The following FBH1 variants were observed in gnomAD, a reference collection of about 807,000 sequenced individuals.
FBH1 encodes the protein F-box DNA helicase 1, also known as DNA 3'-5' helicase 1.
Under a neutral mutation model 115.5 loss-of-function variants are expected in FBH1, and 43 were observed. The ratio of observed to expected loss-of-function variants is 0.37; its 90% CI spans 0.29 to 0.48. The LOEUF is 0.48. FBH1 is among the 20% of genes least tolerant of loss of function. The probability of loss-of-function intolerance (pLI) is 0.99; values close to 1 mark genes in which losing one functional copy is unlikely to be tolerated. For synonymous variants in FBH1, 524 were observed against 507.8 expected, an observed-to-expected ratio of 1.03 and a Z score of -0.43; for missense variants, 1,001 against 1,337.3, an observed-to-expected ratio of 0.75 and a Z score of 3.92.
rs146647069 is a variant in FBH1 at position 5,923,987 on chromosome 10, T to G, written c.2398+291T>G. On this transcript the variant is annotated intron_variant, in intron 16 of 20. Coordinates refer to ENST00000362091, the MANE Select transcript of FBH1 (RefSeq NM_178150.3). The surrounding 1 kb of genome is among the most constrained non-coding windows in gnomAD (Gnocchi z 5.7). ...CCTGGGCCAATTTATACGTTGATACTTCCACGTGGGCCCCAAGTGATAGCG... is the reference window on the plus strand; with the variant it reads ...CCTGGGCCAATTTATACGTTGATACGTCCACGTGGGCCCCAAGTGATAGCG... The G allele has an allele frequency of 9.2e-4, 516 of 558,366 alleles. 4 individuals carry two copies. The Middle Eastern group carries it at 0.014, about 15-fold the overall frequency. The allele number at this position is 558,366 out of a possible 1,614,324, so 34.6% of individuals were successfully genotyped here.
chr10:5,925,090 CGG>C lies in FBH1; in HGVS notation c.2597-276_2597-275del, dbSNP rs1485288350. Among the ~76,000 whole-genome samples the C allele has an allele frequency of 6.6e-6, 1 of 152,176 alleles. No homozygotes were observed. The highest frequency in any genetic ancestry group is 1.5e-5 in the Non-Finnish European group (1 of 68,032). The stretch of plus-strand genomic sequence containing the variant: ...TGTCCCTTCATGTGTTAGATCCAGA[CGG>C]TGGGTGGAGCCACTCTGTCCTCTGG... On this transcript the variant is annotated intron_variant, in intron 17 of 20. Coordinates refer to ENST00000362091, the MANE Select transcript of FBH1 (RefSeq NM_178150.3). The surrounding 1 kb of genome is among the most constrained non-coding windows in gnomAD (Gnocchi z 4.6).
Position 5,937,387 on chromosome 10 carries a change from A to C in FBH1, c.*107A>C. ...TCCCTGAGACTCTGGGTTCACCCAC[A>C]GCACTTTCTGAGGAAGAGGACACCA... On this transcript the variant is annotated 3_prime_UTR_variant, in exon 21 of 21. Transcript: ENST00000362091. The C allele has an allele frequency of 3.2e-6, 4 of 1,269,546 alleles. No individual in the cohort carries two copies. The South Asian group carries it at 8.0e-5, about 25-fold the overall frequency. The allele number at this position is 1,269,546 out of a possible 1,614,324, so 78.6% of individuals were successfully genotyped here.
chr10:5,916,536 A>G (rs1288209037), intron 10 of FBH1, 80 bp downstream of exon 10: 144 of 1,318,638 alleles, frequency 1.1e-4, no homozygotes, highest in Non-Finnish European at 1.5e-4. Context: ...AGGATGGGGA[A>G]ACAGGGGAAG....
At chr10:5,894,103 A>G (rs1376584358) in intron 1 of FBH1, 4 of 985,396 alleles carry the variant, frequency 4.1e-6, no homozygotes, top group East Asian at 1.1e-4. Context: ...CTGCCTGGGA[A>G]CTTTTGGATT....
chr10:5,896,638 G>A (rs868645444), intron 1 of FBH1, among the ~76,000 whole-genome samples: 1 of 152,138 alleles, frequency 6.6e-6, no homozygotes, highest in Non-Finnish European at 1.5e-5. Flanking sequence ...GCCGAATTTG[G>A]TGTGTAGGAG....
At chr10:5,898,099 T>C (rs1376772482) in intron 1 of FBH1, among the ~76,000 whole-genome samples, 3 of 152,216 alleles carry the variant, frequency 2.0e-5, no homozygotes, top group Non-Finnish European at 4.4e-5. Context: ...TCATCCTTCT[T>C]GACCCACTCA....
chr10:5,926,382 G>A (rs1292850046), intron 18 of FBH1, among the ~76,000 whole-genome samples: 1 of 152,206 alleles, frequency 6.6e-6, no homozygotes, highest in Non-Finnish European at 1.5e-5. Context: ...CCAAAGTGCT[G>A]GGATAATAGG....
At chr10:5,893,286 A>G (rs556805372) in intron 1 of FBH1, among the ~76,000 whole-genome samples, 2 of 152,358 alleles carry the variant, frequency 1.3e-5, no homozygotes, top group South Asian at 4.1e-4. Context: ...AGCCTGGACC[A>G]CAGACAGAGT....
At position 5,908,987 on chromosome 10, in the gene FBH1, AGTGG is replaced by A; in HGVS notation, c.817_820del (p.Val273ThrfsTer9). ...TGAATGAAGAGCAAGCTGTCAGCAA[AGTGG>A]ACGGCATCCTGTCTAACTGTGGCAT... On this transcript the variant is annotated frameshift_variant, in exon 4 of 21. Transcript: ENST00000362091. LOFTEE classifies it high-confidence loss of function. The A allele has an allele frequency of 1.2e-6, 2 of 1,614,228 alleles. No individual in the cohort carries two copies. Among genetic ancestry groups the A allele is most frequent in the Non-Finnish European group, 1.7e-6 (2 of 1,180,042 alleles).
chr10:5,907,179 T>A (rs1447217981), intron 3 of FBH1, among the ~76,000 whole-genome samples: 1 of 148,558 alleles, frequency 6.7e-6, no homozygotes, highest in Non-Finnish European at 1.5e-5. Flanking sequence ...GCCAGGATGG[T>A]CTCTGAAACT....
In FBH1 at chr10:5,913,886, T is replaced by A; in HGVS notation, c.1304+47T>A. ...CGTGTGTTTTGTCTTCTGTCGACTC[T>A]TCCTCATACTTAAGGAGGGAGATGT... On this transcript the variant is annotated intron_variant, in intron 7 of 20. Coordinates refer to ENST00000362091, the MANE Select transcript of FBH1 (RefSeq NM_178150.3). This position sits in a 1 kb window ranked among gnomAD's most constrained non-coding sequence, Gnocchi z 4.4. The A allele has an allele frequency of 7.3e-7, 1 of 1,378,380 alleles. No individual in the cohort carries two copies. Among genetic ancestry groups the A allele is most frequent in the Admixed American group, 2.1e-5 (1 of 48,730 alleles). The allele number at this position is 1,378,380 out of a possible 1,614,324, so 85.4% of individuals were successfully genotyped here.
At chr10:5,920,672 A>C (rs610093) in intron 13 of FBH1, among the ~76,000 whole-genome samples, 52,814 of 152,152 alleles carry the variant, frequency 0.35, 10,673 homozygotes, top group East Asian at 0.68. Flanking sequence ...TGTTACTGCT[A>C]TTCACCAAAG....
rs1230954573 is a variant in FBH1, at chr10:5,910,279, C to T, written c.1021-659C>T. ...CCTGTGTGACAGAGTCAGACTTTGT[C>T]TCAAAAAAAAAAAAAGATGAAGATC... is the stretch of plus-strand genomic sequence containing the variant. On this transcript the variant is annotated intron_variant, in intron 5 of 20. Coordinates refer to ENST00000362091, the MANE Select transcript of FBH1 (RefSeq NM_178150.3). The surrounding 1 kb of genome is among the most constrained non-coding windows in gnomAD (Gnocchi z 4.8). Among the ~76,000 whole-genome samples the T allele has an allele frequency of 6.7e-6, 1 of 149,422 alleles. No individual in the cohort carries two copies. Among genetic ancestry groups the T allele is most frequent in the South Asian group, 2.1e-4 (1 of 4,774 alleles).
intron 2 of FBH1, among the ~76,000 whole-genome samples, chr10:5,905,781 G>A (rs1843654153): frequency 6.6e-6 from 1 of 152,094 alleles, no homozygotes; most frequent in Non-Finnish European, 1.5e-5. Flanking sequence ...TTTACTGCAG[G>A]GAGTATTGCT....
At chr10:5,927,367 G>A in intron 18 of FBH1, 68 bp from the exon 19 acceptor site, 1 of 1,144,800 alleles carries the variant, frequency 8.7e-7, no homozygotes, top group East Asian at 2.4e-5. Flanking sequence ...ACATTTAGAT[G>A]AGACATAAGG....
At chr10:5,898,504 G>A (rs187041443) in intron 1 of FBH1, among the ~76,000 whole-genome samples, 8 of 152,012 alleles carry the variant, frequency 5.3e-5, no homozygotes, top group East Asian at 1.9e-4. Context: ...TCCACCTCCC[G>A]GGTTCAAGTG....
At chr10:5,904,179 G>A (rs183565868) in intron 2 of FBH1, among the ~76,000 whole-genome samples, 9 of 151,880 alleles carry the variant, frequency 5.9e-5, no homozygotes, top group Non-Finnish European at 1.0e-4. Flanking sequence ...TTACAGGCGC[G>A]CGCCACCATG....
At chr10:5,898,447 A>G (rs764668797) in intron 1 of FBH1, among the ~76,000 whole-genome samples, 1 of 149,242 alleles carries the variant, frequency 6.7e-6, no homozygotes, top group Admixed American at 6.7e-5. Context: ...ATCTCTCTCC[A>G]TTGTCCAGGC....
chr10:5,916,173 G>A (rs1831924189), intron 9 of FBH1, 61 bp from the exon 10 acceptor site: 2 of 1,409,820 alleles, frequency 1.4e-6, no homozygotes, highest in South Asian at 1.2e-5. Context: ...GAATGGAGGG[G>A]ACGTTCAATA....
Sources: gnomAD v4.1 joint callset for allele counts (sites outside exome capture counted in the v4.1 genomes callset) on GRCh38, gnomAD v4.1.1 for gene constraint, Gnocchi (gnomAD v3.1) non-coding constraint, MANE v1.5 for transcripts, NCBI Gene and HGNC (gene_info 2026-07-23, HGNC 2026-07-21) for gene names.